The following KCNN2 variants were observed in gnomAD, a reference collection of about 807,000 sequenced individuals.
KCNN2 encodes the protein potassium calcium-activated channel subfamily N member 2, also known as small conductance calcium-activated potassium channel protein 2.
KCNN2 carries 24 observed loss-of-function variants against 55.5 expected under a neutral mutation model. The ratio of observed to expected loss-of-function variants is 0.43; its 90% confidence interval spans 0.31 to 0.61. The LOEUF is 0.61. Ranked by LOEUF, KCNN2 falls within the 20% of genes least tolerant of loss-of-function variation. The pLI, the probability that KCNN2 is intolerant of heterozygous loss-of-function variation, is 0.08. For synonymous variants in KCNN2, 431 were observed against 336.1 expected (o/e 1.28, Z -3.09); for missense variants, 754 against 853.6 (o/e 0.88, Z 1.45).
At chr5:114,172,009 G>C (rs1305580912) in intron 1 of KCNN2, among the ~76,000 whole-genome samples, 4 of 151,860 alleles carry the variant, frequency 2.6e-5, no homozygotes, top group Non-Finnish European at 4.4e-5. Context: ...TGTGCTCTGG[G>C]TTTTAGGAAC....
At chr5:114,330,754 T>C (rs1420065944) in intron 2 of KCNN2, among the ~76,000 whole-genome samples, 1 of 152,182 alleles carries the variant, frequency 6.6e-6, no homozygotes, top group Non-Finnish European at 1.5e-5. Flanking sequence ...CTTTCTCCTC[T>C]GGCTCCTGTG....
intron 5 of KCNN2, among the ~76,000 whole-genome samples, chr5:114,485,996 A>G (rs1002485200): frequency 6.6e-6 from 1 of 152,206 alleles, no homozygotes; most frequent in African/African-American, 2.4e-5. Flanking sequence ...CTGATGTTCC[A>G]GAAAACTGCA....
chr5:114,284,083 T>G (rs1447083092), intron 2 of KCNN2, among the ~76,000 whole-genome samples: 2 of 152,278 alleles, frequency 1.3e-5, no homozygotes, highest in East Asian at 3.9e-4. Context: ...CCTTTTCACT[T>G]TAAAGAACTC....
chr5:114,151,974 G>T (rs996245655), intron 1 of KCNN2, among the ~76,000 whole-genome samples: 1 of 152,156 alleles, frequency 6.6e-6, no homozygotes, highest in Non-Finnish European at 1.5e-5. Flanking sequence ...CAATAAGGCA[G>T]TGCCAGATAT....
intron 3 of KCNN2, among the ~76,000 whole-genome samples, chr5:114,454,833 G>A (rs935878709): frequency 2.0e-5 from 3 of 152,172 alleles, no homozygotes; most frequent in Admixed American, 1.3e-4. Context: ...CACACATTTT[G>A]TGGTACTTGG....
At chr5:114,304,622 G>T (rs1756232102) in intron 2 of KCNN2, among the ~76,000 whole-genome samples, 1 of 152,142 alleles carries the variant, frequency 6.6e-6, no homozygotes, top group Admixed American at 6.5e-5. Context: ...AATCCTAAGG[G>T]TCTGTGCTGC....
intron 5 of KCNN2, among the ~76,000 whole-genome samples, chr5:114,485,243 A>C (rs1259724753): frequency 6.6e-6 from 1 of 152,092 alleles, no homozygotes; most frequent in Non-Finnish European, 1.5e-5. Context: ...GCAGGGATCT[A>C]GGCTTCTCCT....
intron 3 of KCNN2, among the ~76,000 whole-genome samples, chr5:114,449,070 A>T (rs1467232229): frequency 3.9e-5 from 6 of 152,124 alleles, no homozygotes; most frequent in Non-Finnish European, 7.4e-5. Flanking sequence ...CAAAAATGAA[A>T]TGGCACAGAA....
chr5:114,384,096 G>T (rs1053713005), intron 2 of KCNN2, among the ~76,000 whole-genome samples: 3 of 152,060 alleles, frequency 2.0e-5, no homozygotes, highest in African/African-American at 7.2e-5. Flanking sequence ...TTGCAGTAGG[G>T]CCTTTACTGT....
intron 1 of KCNN2, among the ~76,000 whole-genome samples, chr5:114,073,231 A>G (rs749463265): frequency 2.0e-5 from 3 of 152,352 alleles, no homozygotes; most frequent in Non-Finnish European, 2.9e-5. Flanking sequence ...ACTGAGGAGT[A>G]TAGCATTCCC....
intron 1 of KCNN2, among the ~76,000 whole-genome samples, chr5:114,177,315 T>A (rs1448458042): frequency 2.6e-5 from 4 of 152,020 alleles, no homozygotes; most frequent in Admixed American, 2.0e-4. Flanking sequence ...TGTTTTGTAT[T>A]TTTAGTAGAG....
chr5:114,386,891 G>A (rs1197881527), intron 2 of KCNN2, among the ~76,000 whole-genome samples: 1 of 152,186 alleles, frequency 6.6e-6, no homozygotes, highest in African/African-American at 2.4e-5. Flanking sequence ...CGCTCCTTAA[G>A]ACGTATGTAG....
intron 1 of KCNN2, among the ~76,000 whole-genome samples, chr5:114,078,514 A>G (rs1020122870): frequency 6.6e-6 from 1 of 152,188 alleles, no homozygotes; most frequent in Non-Finnish European, 1.5e-5. Flanking sequence ...CTGAGCCCTG[A>G]TGAAGACAGA....
At chr5:114,368,900 T>A (rs1033043887) in intron 2 of KCNN2, among the ~76,000 whole-genome samples, 1 of 152,048 alleles carries the variant, frequency 6.6e-6, no homozygotes, top group African/African-American at 2.4e-5. Flanking sequence ...TGAGATCCTA[T>A]TCTATGGATG....
At chr5:114,143,012 G>A (rs1041117609) in intron 1 of KCNN2, among the ~76,000 whole-genome samples, 3 of 152,124 alleles carry the variant, frequency 2.0e-5, no homozygotes, top group Admixed American at 1.3e-4. Context: ...TTTTTCCCAG[G>A]TGGATTGACA....
chr5:114,288,493 T>TACACACACACAC (rs777077524), intron 2 of KCNN2, among the ~76,000 whole-genome samples: 3 of 21,724 alleles, frequency 1.4e-4, no homozygotes, highest in African/African-American at 2.6e-4. Flanking sequence ...ACTTTATATA[T>TACACACACACAC]ATATATACAC....
chr5:114,135,334 T>C (rs1752153642), intron 1 of KCNN2, among the ~76,000 whole-genome samples: 3 of 152,182 alleles, frequency 2.0e-5, no homozygotes. Context: ...TTGAAGATTT[T>C]TCTCTGTAGA....
intron 1 of KCNN2, among the ~76,000 whole-genome samples, chr5:114,192,273 T>A (rs1399515628): frequency 6.6e-6 from 1 of 152,192 alleles, no homozygotes; most frequent in Non-Finnish European, 1.5e-5. Context: ...GCTGCTCTCT[T>A]ATGCTTCAGT....
intron 1 of KCNN2, among the ~76,000 whole-genome samples, chr5:114,119,639 C>G (rs1033816426): frequency 1.4e-4 from 22 of 152,172 alleles, no homozygotes; most frequent in Non-Finnish European, 2.5e-4. Context: ...TTCCTCCTGT[C>G]TGATCACACC....
Sources: gnomAD v4.1 joint callset for allele counts (sites outside exome capture counted in the v4.1 genomes callset) on GRCh38, gnomAD v4.1.1 for gene constraint, MANE v1.5 for transcripts, NCBI Gene and HGNC (gene_info 2026-07-23, HGNC 2026-07-21) for gene names.